ST7L: variants seen among roughly 807,000 people sequenced by gnomAD.
ST7L encodes suppression of tumorigenicity 7 like.
A neutral mutation model predicts 72.5 loss-of-function variants in ST7L; 57 were observed. The ratio of observed to expected loss-of-function variants is 0.79; its 90% CI spans 0.64 to 0.98. The LOEUF (loss-of-function observed/expected upper bound fraction) is 0.98, where lower values mean the gene tolerates loss of function less well. ST7L is among the 50% of genes least tolerant of loss of function. The pLI is 0.00. For synonymous variants in ST7L, 221 were observed against 240.9 expected, an observed-to-expected ratio of 0.92 and a Z score of 0.77; for missense variants, 576 against 672.2, an observed-to-expected ratio of 0.86 and a Z score of 1.58.
chr1:112,549,467 C>A (rs1657734372), intron 13 of ST7L, among the ~76,000 whole-genome samples: 4 of 152,080 alleles, frequency 2.6e-5, no homozygotes, highest in African/African-American at 4.8e-5. Context: ...TTTAGTTTTT[C>A]TTTAATTTCT....
In ST7L at chr1:112,550,710, A is replaced by T; in HGVS notation, c.1397-17T>A. The T allele has an allele frequency of 6.3e-7, 1 of 1,584,498 alleles. No individual in the cohort carries two copies. Among genetic ancestry groups the T allele is most frequent in the Non-Finnish European group, 8.7e-7 (1 of 1,154,722 alleles). On this transcript the variant is annotated splice_polypyrimidine_tract_variant and intron_variant, in intron 12 of 14. Coordinates refer to ENST00000358039, the MANE Select transcript of ST7L (RefSeq NM_017744.5). ...TTCTAAAAGCTGAGGAAAAAAAAGCATGTGTTGATACTCAATTCTGTCTCA... is the reference window on the plus strand; with the variant it reads ...TTCTAAAAGCTGAGGAAAAAAAAGCTTGTGTTGATACTCAATTCTGTCTCA...
chr1:112,599,073 A>AAAAAAATAT (rs1190968815), intron 4 of ST7L, among the ~76,000 whole-genome samples: 69 of 56,980 alleles, frequency 1.2e-3, no homozygotes, highest in East Asian at 3.7e-3. Context: ...AAAAAAAAAA[A>AAAAAAATAT]ATATATATAT....
chr1:112,566,358 C>T (rs536346906), intron 11 of ST7L, among the ~76,000 whole-genome samples: 10 of 129,736 alleles, frequency 7.7e-5, no homozygotes, highest in Admixed American at 1.9e-4. Flanking sequence ...AGTGCAGTGG[C>T]GTGATATAGG....
chr1:112,518,149 T>G, the ST7L span: 2 of 152,338 alleles, frequency 1.3e-5, no homozygotes, highest in African/African-American at 4.8e-5. Context: ...TTCAGTCTGT[T>G]CGAGGTATTT....
chr1:112,604,509 A>G (rs1378269349), intron 3 of ST7L, among the ~76,000 whole-genome samples: 2 of 152,070 alleles, frequency 1.3e-5, no homozygotes, highest in Non-Finnish European at 2.9e-5. Context: ...TGTGCTCCCA[A>G]TATACAGTAT....
At chr1:112,585,371 C>T (rs1164317839) in intron 6 of ST7L, among the ~76,000 whole-genome samples, 3 of 152,128 alleles carry the variant, frequency 2.0e-5, no homozygotes, top group Admixed American at 6.6e-5. Flanking sequence ...AAATGCACAA[C>T]GAATTTTGAA....
At chr1:112,575,102 G>A (rs1186364841) in intron 11 of ST7L, among the ~76,000 whole-genome samples, 2 of 152,106 alleles carry the variant, frequency 1.3e-5, no homozygotes, top group South Asian at 2.1e-4. Flanking sequence ...AGCTGGGCGT[G>A]GTGGCGCGCA....
intron 14 of ST7L, chr1:112,540,352 G>A (rs10776755): frequency 1.0e-6 from 1 of 985,014 alleles, no homozygotes; most frequent in Non-Finnish European, 1.2e-6. Context: ...ATTTTTATTC[G>A]ATGCCAGATT....
intron 2 of ST7L, among the ~76,000 whole-genome samples, chr1:112,612,908 G>A (rs1333813276): frequency 6.6e-6 from 1 of 151,722 alleles, no homozygotes; most frequent in African/African-American, 2.4e-5. Context: ...ACTTGAGGCT[G>A]GGAATTTGAG....
At chr1:112,583,034 T>C (rs887652808) in intron 7 of ST7L, among the ~76,000 whole-genome samples, 2 of 152,192 alleles carry the variant, frequency 1.3e-5, no homozygotes, top group African/African-American at 2.4e-5. Flanking sequence ...TTTGAGATTA[T>C]TCAAAGACAA....
At chr1:112,616,070 GA>G (rs1320111108) in intron 2 of ST7L, among the ~76,000 whole-genome samples, 1 of 152,056 alleles carries the variant, frequency 6.6e-6, no homozygotes, top group Non-Finnish European at 1.5e-5. Context: ...TTGAAAAATT[GA>G]AAAACCTGGT....
intron 11 of ST7L, among the ~76,000 whole-genome samples, chr1:112,568,867 T>A (rs200286622): frequency 1.9e-3 from 96 of 51,034 alleles, no homozygotes; most frequent in African/African-American, 3.1e-3. Flanking sequence ...TATAAATATA[T>A]ATATATATAT....
chr1:112,599,073 A>AAAAAATAT (rs1190968815), intron 4 of ST7L, among the ~76,000 whole-genome samples: 14 of 56,994 alleles, frequency 2.5e-4, no homozygotes, highest in African/African-American at 5.5e-4. Flanking sequence ...AAAAAAAAAA[A>AAAAAATAT]ATATATATAT....
At position 112,533,326 on chromosome 1, in the gene ST7L, A is replaced by T. The variant is rs998910358; in HGVS notation, c.1630-7215T>A. ...AAGCATATGTGCGTTATTTTATTTT[A>T]TTTTTTTTTTTGAGATGGAGTCTCG... On this transcript the variant is annotated intron_variant, in intron 14 of 14. Coordinates refer to ENST00000358039, the MANE Select transcript of ST7L (RefSeq NM_017744.5). Among the ~76,000 whole-genome samples the T allele has an allele frequency of 3.0e-4, 45 of 148,732 alleles. No individual in the cohort carries two copies. The South Asian group carries it at 3.8e-3, about 13-fold the overall frequency.
At chr1:112,543,792 C>A (rs1656593805) in intron 13 of ST7L, among the ~76,000 whole-genome samples, 1 of 146,718 alleles carries the variant, frequency 6.8e-6, no homozygotes, top group Non-Finnish European at 1.5e-5. Flanking sequence ...TCGCTAGAAC[C>A]TGAGAGGCAG....
rs746707415 is a variant in ST7L, at chr1:112,526,130, T to C, written c.1630-19A>G. 6.2e-6 allele frequency: 10 copies of C among 1,613,818 alleles called. No individual in the cohort carries two copies. In the African/African-American group the frequency reaches 6.7e-5, roughly 11 times the overall value. ...CCAGCACCTTCAAAACAGAAATTGA[T>C]ACAAAATGTTCAAGCCCTGTAGGAG... is the stretch of plus-strand genomic sequence containing the variant. On this transcript the variant is annotated intron_variant, in intron 14 of 14. Coordinates refer to ENST00000358039, the MANE Select transcript of ST7L (RefSeq NM_017744.5).
At chr1:112,526,261 T>C (rs1653366009) in intron 14 of ST7L, 150 bp from the exon 15 acceptor site, 2 of 952,182 alleles carry the variant, frequency 2.1e-6, no homozygotes. Context: ...TCTGCCACTA[T>C]TACCACCAGT....
chr1:112,619,020 G>A lies in ST7L; in HGVS notation c.94C>T (p.Arg32Ter). 2 of 1,613,704 alleles carry A rather than the reference G, an allele frequency of 1.2e-6. No individual in the cohort carries two copies. The highest frequency in any genetic ancestry group is 1.7e-6 in the Non-Finnish European group (2 of 1,179,858). ...GTCCCCGCCAGCCCGGCCCGCAGTCGCTCCCTCCAGCCTAGCGTCGGGTTT... is the reference window on the plus strand; with the variant it reads ...GTCCCCGCCAGCCCGGCCCGCAGTCACTCCCTCCAGCCTAGCGTCGGGTTT... ...GLNPTLGWRE[R>*]LRAGLAGTGA... The change falls in exon 1 of 15, where the codon CGA (arginine) becomes TGA (stop). Residue 32 changes from arginine to a stop codon, truncating the protein, a stop_gained. Coordinates refer to ENST00000358039, the MANE Select transcript of ST7L (RefSeq NM_017744.5). LOFTEE classifies it high-confidence loss of function.
intron 11 of ST7L, chr1:112,571,252 T>C (rs1235047442): frequency 4.4e-6 from 2 of 451,410 alleles, no homozygotes; most frequent in South Asian, 3.2e-5. Context: ...CAAACAATAA[T>C]ATAAGTTTAT....
Sources: allele counts gnomAD v4.1 joint callset (sites outside exome capture counted in the v4.1 genomes callset), GRCh38; gene constraint gnomAD v4.1.1; transcripts MANE v1.5; gene names NCBI Gene and HGNC (gene_info 2026-07-23, HGNC 2026-07-21).